Variants in TNN observed in about 807,000 individuals in gnomAD.
TNN encodes the protein tenascin-N.
TNN carries 122 observed loss-of-function variants against 134.4 expected under a neutral mutation model. That is an observed-to-expected ratio of 0.91 (90% confidence interval 0.78 to 1.06). The LOEUF (loss-of-function observed/expected upper bound fraction) is 1.06, where lower values mean the gene tolerates loss of function less well. TNN is among the 50% of genes least tolerant of loss of function. The pLI, the probability that TNN is intolerant of heterozygous loss-of-function variation, is 0.00. For synonymous variants in TNN, 710 were observed against 670.3 expected (o/e 1.06, Z -0.91); for missense variants, 1,739 against 1,699.4 (o/e 1.02, Z -0.41).
intron 6 of TNN, among the ~76,000 whole-genome samples, chr1:175,089,679 T>A (rs1017284756): frequency 1.3e-5 from 2 of 152,236 alleles, no homozygotes; most frequent in African/African-American, 4.8e-5. Flanking sequence ...GCTTCATGCT[T>A]TTCCCTGGTG....
chr1:175,132,934 T>A (rs1675710867), intron 15 of TNN, among the ~76,000 whole-genome samples: 1 of 152,214 alleles, frequency 6.6e-6, no homozygotes, highest in Non-Finnish European at 1.5e-5. Context: ...TATCAGGTGG[T>A]TTACCTTATA....
chr1:175,079,641 C>T lies in TNN; in HGVS notation c.718C>T (p.His240Tyr). Residue 240 changes from histidine (H) to tyrosine (Y), a missense_variant, in exon 3 of 19, where the codon CAC becomes TAC. His to Tyr is a moderately conservative substitution (Grantham distance 83). Coordinates refer to ENST00000239462, the MANE Select transcript of TNN (RefSeq NM_022093.2). ...EKRCPGDCSG[H>Y]GFCDTGECYC... The stretch of plus-strand genomic sequence containing the variant: ...GCGCTGTCCCGGCGACTGCAGCGGC[C>T]ACGGCTTCTGTGACACGGGCGAGTG... 1 of 1,608,306 alleles carries T rather than the reference C, an allele frequency of 6.2e-7. No homozygotes were observed. Among genetic ancestry groups the T allele is most frequent in the Non-Finnish European group, 8.5e-7 (1 of 1,178,430 alleles).
At chr1:175,105,257 G>A (rs1345036597) in intron 9 of TNN, among the ~76,000 whole-genome samples, 1 of 146,036 alleles carries the variant, frequency 6.8e-6, no homozygotes, top group African/African-American at 2.5e-5. Context: ...CCCCAGGTCT[G>A]CCTTGATCTG....
chr1:175,130,172 C>T (rs1327271559), intron 15 of TNN, among the ~76,000 whole-genome samples: 1 of 152,208 alleles, frequency 6.6e-6, no homozygotes, highest in African/African-American at 2.4e-5. Context: ...TGCTGTGCAT[C>T]CGCAACTCAC....
Position 175,127,108 on chromosome 1 carries a change from C to A in TNN, c.3045+23C>A, listed in dbSNP as rs375614186. 58 of 1,607,536 alleles carry A rather than the reference C, an allele frequency of 3.6e-5. 1 individual carries two copies. The East Asian group carries it at 6.0e-4, about 17-fold the overall frequency. ...AAGGTACGGGGATTCCTTGTCTTTTCTCCTGGTGCCTTCTCTTCTGTGTGA... is the reference window on the plus strand; with the variant it reads ...AAGGTACGGGGATTCCTTGTCTTTTATCCTGGTGCCTTCTCTTCTGTGTGA... On this transcript the variant is annotated intron_variant, in intron 13 of 18. Coordinates refer to ENST00000239462, the MANE Select transcript of TNN (RefSeq NM_022093.2).
intron 17 of TNN, 109 bp from the exon 18 acceptor site, chr1:175,144,278 C>G: frequency 9.8e-7 from 1 of 1,023,344 alleles, no homozygotes; most frequent in Non-Finnish European, 1.5e-6. Context: ...ACATGACTGG[C>G]TGCATCTTTG....
In TNN at chr1:175,117,168, C is replaced by T. The variant is rs1398817860; in HGVS notation, c.2349C>T (p.Ala783=). 5.6e-6 allele frequency: 9 copies of T among 1,614,206 alleles called. No individual in the cohort carries two copies. Among genetic ancestry groups the T allele is most frequent in the Non-Finnish European group, 6.8e-6 (8 of 1,180,034 alleles). ...TGCACGTGTGGGCCCAGAAGGGGGC[C>T]CAGGAGAGCAAGAAGGCTGACACCA... ...YTVHVWAQKG[A]QESKKADTKA... is the part of the protein sequence containing the mutation. Residue 783 remains alanine (A), a synonymous_variant, in exon 10 of 19, where the codon GCC becomes GCT. Coordinates refer to ENST00000239462, the MANE Select transcript of TNN (RefSeq NM_022093.2).
intron 9 of TNN, among the ~76,000 whole-genome samples, chr1:175,115,462 G>T (rs536547257): frequency 6.6e-6 from 1 of 152,192 alleles, no homozygotes; most frequent in Non-Finnish European, 1.5e-5. Flanking sequence ...TTCAGCTCTG[G>T]AATGAGTGGG....
chr1:175,110,248 C>T (rs1674986238), intron 9 of TNN, among the ~76,000 whole-genome samples: 1 of 152,118 alleles, frequency 6.6e-6, no homozygotes. Context: ...AGTTTGAACT[C>T]CTTATGTATT....
chr1:175,074,432 C>A (rs1157826256), intron 1 of TNN, among the ~76,000 whole-genome samples: 2 of 149,212 alleles, frequency 1.3e-5, no homozygotes, highest in African/African-American at 5.0e-5. Flanking sequence ...TTGCAGTGAG[C>A]CGTGATTGTG....
At chr1:175,093,961 A>G in intron 6 of TNN, 29 bp from the exon 7 acceptor site, 2 of 1,575,076 alleles carry the variant, frequency 1.3e-6, no homozygotes, top group Non-Finnish European at 8.7e-7. Context: ...GGTTTCTCTG[A>G]TTTTTCTTTC....
chr1:175,140,035 G>A (rs1675909884), intron 17 of TNN, among the ~76,000 whole-genome samples: 1 of 152,188 alleles, frequency 6.6e-6, no homozygotes, highest in Admixed American at 6.5e-5. Flanking sequence ...TGAATAAGAG[G>A]GGATTTAAAG....
intron 9 of TNN, among the ~76,000 whole-genome samples, chr1:175,103,427 G>A (rs1178678088): frequency 6.9e-6 from 1 of 145,932 alleles, no homozygotes; most frequent in African/African-American, 2.5e-5. Flanking sequence ...GTCTATTTGG[G>A]ATTGTAAAGT....
chr1:175,081,573 G>A (rs207460631), intron 4 of TNN, among the ~76,000 whole-genome samples: 1 of 152,126 alleles, frequency 6.6e-6, no homozygotes, highest in Non-Finnish European at 1.5e-5. Context: ...GGTGGAGGTG[G>A]GGATGGGTCA....
In TNN at chr1:175,094,205, G is replaced by C; in HGVS notation, c.1540G>C (p.Glu514Gln). The C allele has an allele frequency of 6.2e-7, 1 of 1,612,762 alleles. No homozygotes were observed. The highest frequency in any genetic ancestry group is 1.7e-5 in the Admixed American group (1 of 59,932). ...GEAYKVYVWA[E>Q]RGNQGSKKAD... Reference sequence around the variant, plus strand: ...GGCATACAAGGTCTACGTGTGGGCTGAAAGGGGCAACCAGGGGAGCAAGAA... The same window carrying C: ...GGCATACAAGGTCTACGTGTGGGCTCAAAGGGGCAACCAGGGGAGCAAGAA... The change falls in exon 7 of 19, where the codon GAA becomes CAA. Residue 514 changes from glutamate to glutamine, a missense_variant. Physicochemically the swap from Glu to Gln is conservative, Grantham distance 29. Coordinates refer to ENST00000239462, the MANE Select transcript of TNN (RefSeq NM_022093.2).
At chr1:175,076,032 A>G (rs544044424) in intron 1 of TNN, among the ~76,000 whole-genome samples, 2 of 152,350 alleles carry the variant, frequency 1.3e-5, no homozygotes, top group East Asian at 1.9e-4. Flanking sequence ...AACTGCTGCT[A>G]TGCAAGCCCA....
chr1:175,096,017 C>G (rs1674561152), intron 7 of TNN, among the ~76,000 whole-genome samples: 1 of 152,240 alleles, frequency 6.6e-6, no homozygotes, highest in Non-Finnish European at 1.5e-5. Flanking sequence ...GGGGCACAAA[C>G]ATGAAGGAAG....
At chr1:175,091,994 G>C (rs1039472935) in intron 6 of TNN, among the ~76,000 whole-genome samples, 2 of 152,228 alleles carry the variant, frequency 1.3e-5, no homozygotes, top group Non-Finnish European at 2.9e-5. Context: ...CTGGGGCAGG[G>C]AGATGGGGTG....
chr1:175,070,336 G>A (rs1401959016), intron 1 of TNN, among the ~76,000 whole-genome samples: 1 of 152,082 alleles, frequency 6.6e-6, no homozygotes, highest in Non-Finnish European at 1.5e-5. Context: ...AACAAAATGA[G>A]CCTGTGGTCA....
Sources: gnomAD v4.1 joint callset for allele counts (sites outside exome capture counted in the v4.1 genomes callset) on GRCh38, gnomAD v4.1.1 for gene constraint, MANE v1.5 for transcripts, NCBI Gene and HGNC (gene_info 2026-07-23, HGNC 2026-07-21) for gene names.